The following DCC variants were observed in gnomAD, a reference collection of about 807,000 sequenced individuals.
DCC encodes DCC netrin 1 receptor, also known as netrin receptor DCC.
Under a neutral mutation model 172.5 loss-of-function variants are expected in DCC, and 58 were observed. The observed-to-expected ratio is 0.34, with a 90% CI of 0.27 to 0.42. The LOEUF (loss-of-function observed/expected upper bound fraction) is 0.42, where lower values mean the gene tolerates loss of function less well. Ranked by LOEUF, DCC falls within the 10% of genes least tolerant of loss-of-function variation. The pLI, the probability that DCC is intolerant of heterozygous loss-of-function variation, is 1.00. For missense variants in DCC, 1,740 were observed against 1,791.0 expected, an observed-to-expected ratio of 0.97 and a Z score of 0.51; for synonymous variants, 709 against 644.5, an observed-to-expected ratio of 1.10 and a Z score of -1.52.
chr18:52,979,900 G>A (rs900769182), intron 5 of DCC, among the ~76,000 whole-genome samples: 2 of 152,168 alleles, frequency 1.3e-5, no homozygotes, highest in African/African-American at 2.4e-5. Flanking sequence ...CTTAACAGGC[G>A]GAGTGGTTGC....
intron 2 of DCC, among the ~76,000 whole-genome samples, chr18:52,803,742 C>CT (rs1288329368): frequency 3.3e-5 from 5 of 152,136 alleles, no homozygotes; most frequent in African/African-American, 1.2e-4. Context: ...AGAGTCAGTT[C>CT]TTTATATAAT....
At chr18:52,514,722 C>T (rs1045092323) in intron 1 of DCC, among the ~76,000 whole-genome samples, 1 of 152,062 alleles carries the variant, frequency 6.6e-6, no homozygotes, top group Non-Finnish European at 1.5e-5. Context: ...AATAGAAATA[C>T]AAATGTGATT....
At chr18:53,488,370 A>G (rs1163686509) in intron 26 of DCC, among the ~76,000 whole-genome samples, 1 of 152,064 alleles carries the variant, frequency 6.6e-6, no homozygotes, top group African/African-American at 2.4e-5. Context: ...GCTAGACTCT[A>G]TTTATTTCAA....
chr18:52,848,668 T>C (rs912468800), intron 2 of DCC, among the ~76,000 whole-genome samples: 1 of 152,342 alleles, frequency 6.6e-6, no homozygotes, highest in South Asian at 2.1e-4. Context: ...GTCTTATTGA[T>C]TGTAGTCAGG....
chr18:52,765,229 T>C (rs148520294), intron 2 of DCC, among the ~76,000 whole-genome samples: 1,873 of 144,388 alleles, frequency 0.013, 34 homozygotes, highest in African/African-American at 0.045. Flanking sequence ...GTATTTTTAG[T>C]AGAGATGGGG....
intron 1 of DCC, among the ~76,000 whole-genome samples, chr18:52,526,614 G>A (rs2031988190): frequency 6.6e-6 from 1 of 151,970 alleles, no homozygotes; most frequent in Non-Finnish European, 1.5e-5. Context: ...ATCTTCCTTA[G>A]GTACTTCATG....
intron 1 of DCC, 132 bp from the exon 2 acceptor site, chr18:52,751,922 T>C (rs2037000777): frequency 1.3e-6 from 1 of 756,574 alleles, no homozygotes; most frequent in African/African-American, 1.8e-5. Flanking sequence ...TTGATTTTAG[T>C]TTTTATTTAT....
intron 5 of DCC, among the ~76,000 whole-genome samples, chr18:52,948,287 T>C (rs1266485663): frequency 6.7e-6 from 1 of 150,086 alleles, no homozygotes. Context: ...ATAAGTTTCT[T>C]ATCCATAATT....
At chr18:52,513,735 G>T (rs2031527944) in intron 1 of DCC, among the ~76,000 whole-genome samples, 1 of 152,108 alleles carries the variant, frequency 6.6e-6, no homozygotes, top group Non-Finnish European at 1.5e-5. Flanking sequence ...TGGTCAGGTT[G>T]TCAGATGCTA....
intron 11 of DCC, among the ~76,000 whole-genome samples, chr18:53,210,955 T>G (rs1036489288): frequency 1.8e-4 from 28 of 152,274 alleles, no homozygotes; most frequent in South Asian, 1.7e-3. Flanking sequence ...ATGAGCCATT[T>G]TTTTTTCACA....
intron 9 of DCC, among the ~76,000 whole-genome samples, chr18:53,191,771 CATG>C (rs2055369652): frequency 6.6e-6 from 1 of 152,104 alleles, no homozygotes; most frequent in Non-Finnish European, 1.5e-5. Flanking sequence ...GTTTACTCAG[CATG>C]ATAACAGCTC....
intron 14 of DCC, among the ~76,000 whole-genome samples, chr18:53,331,672 C>T (rs1013807262): frequency 1.3e-5 from 2 of 152,136 alleles, no homozygotes; most frequent in African/African-American, 4.8e-5. Context: ...ACATGCCAAC[C>T]TGCTACCCTA....
intron 15 of DCC, among the ~76,000 whole-genome samples, chr18:53,347,360 T>A (rs981947698): frequency 6.6e-6 from 1 of 152,180 alleles, no homozygotes; most frequent in Non-Finnish European, 1.5e-5. Flanking sequence ...TTTGGGGGGA[T>A]TGTTTTGTAT....
chr18:53,474,032 T>C (rs1187076112), intron 25 of DCC, among the ~76,000 whole-genome samples: 1 of 90,694 alleles, frequency 1.1e-5, no homozygotes, highest in Non-Finnish European at 2.8e-5. Flanking sequence ...TTGTTATTTT[T>C]GTAATTATCA....
chr18:53,018,559 T>G (rs2041839182), intron 5 of DCC, among the ~76,000 whole-genome samples: 1 of 152,272 alleles, frequency 6.6e-6, no homozygotes, highest in South Asian at 2.1e-4. Context: ...TCAGGGATGA[T>G]TTTTCTGTAC....
intron 13 of DCC, among the ~76,000 whole-genome samples, chr18:53,310,132 T>C (rs1161889169): frequency 6.6e-6 from 1 of 151,978 alleles, no homozygotes; most frequent in Non-Finnish European, 1.5e-5. Context: ...TGCTAGATAT[T>C]ATGGGAATAT....
At chr18:52,620,545 C>T (rs937859368) in intron 1 of DCC, among the ~76,000 whole-genome samples, 6 of 152,152 alleles carry the variant, frequency 3.9e-5, no homozygotes, top group East Asian at 1.9e-4. Flanking sequence ...TATTTGGTGA[C>T]GGTCATTTTC....
rs1173454632 is a variant in DCC at position 53,053,186 on chromosome 18, A to C, written c.986-10119A>C. 3.7e-4 allele frequency among the ~76,000 whole-genome samples: 57 copies of C among 152,036 alleles called. 1 individual carries two copies. Among genetic ancestry groups the C allele is most frequent in the Non-Finnish European group, 5.9e-5 (4 of 67,978 alleles). The stretch of plus-strand genomic sequence containing the variant: ...ACAAACAAACAAAACAAAACAACAG[A>C]AAAGAAAAGGAAAACTTGGGGCTAT... On this transcript the variant is annotated intron_variant, in intron 5 of 28. Coordinates refer to ENST00000442544, the MANE Select transcript of DCC (RefSeq NM_005215.4).
At position 53,486,949 on chromosome 18, in the gene DCC, A is replaced by G. The variant is rs767999734; in HGVS notation, c.3889A>G (p.Arg1297Gly). 4 of 1,614,082 alleles carry G rather than the reference A, an allele frequency of 2.5e-6. No individual in the cohort carries two copies. Among genetic ancestry groups the G allele is most frequent in the Admixed American group, 3.3e-5 (2 of 60,010 alleles). ...LSVDRGFGAG[R>G]SQSVSEGPTT... ...AGTGGACCGAGGTTTCGGAGCAGGA[A>G]GAAGTCAGTGTAATGCATTTTCCTC... is the stretch of plus-strand genomic sequence containing the variant. Residue 1297 changes from arginine (R) to glycine (G), a missense_variant, in exon 26 of 29, where the codon AGA (arginine) becomes GGA (glycine). Transcript: ENST00000442544.
Sources: allele counts gnomAD v4.1 joint callset (sites outside exome capture counted in the v4.1 genomes callset), GRCh38; gene constraint gnomAD v4.1.1; transcripts MANE v1.5; gene names NCBI Gene and HGNC (gene_info 2026-07-23, HGNC 2026-07-21).